BCAR3: variants seen among roughly 807,000 people sequenced by gnomAD.
BCAR3 encodes the protein breast cancer anti-estrogen resistance protein 3.
Under a neutral mutation model 80.1 loss-of-function variants are expected in BCAR3, and 37 were observed. That is an observed-to-expected ratio of 0.46 (90% CI 0.36 to 0.61). BCAR3 has a LOEUF of 0.61. BCAR3 is among the 20% of genes least tolerant of loss of function. BCAR3 has a pLI of 0.00. For synonymous variants in BCAR3, 389 were observed against 418.9 expected (o/e 0.93, Z 0.87); for missense variants, 978 against 1,068.2 (o/e 0.92, Z 1.18).
chr1:93,565,499 CTA>C (rs938721014), intron 11 of BCAR3, among the ~76,000 whole-genome samples: 2 of 152,136 alleles, frequency 1.3e-5, no homozygotes, highest in Non-Finnish European at 2.9e-5. Flanking sequence ...GCTGTGAAAT[CTA>C]TATTAGGATC....
chr1:93,631,506 G>C (rs1675619122), intron 3 of BCAR3, among the ~76,000 whole-genome samples: 1 of 152,194 alleles, frequency 6.6e-6, no homozygotes, highest in African/African-American at 2.4e-5. Flanking sequence ...GGGAAAGCCA[G>C]GGTGGCAGAG....
At chr1:93,562,469 G>C in intron 11 of BCAR3, 50 bp from the exon 12 acceptor site, 1 of 1,568,846 alleles carries the variant, frequency 6.4e-7, no homozygotes, top group Non-Finnish European at 8.7e-7. Flanking sequence ...CCTAAGATGT[G>C]TTAAAAATAG....
chr1:93,845,295 C>T (rs1655108966), intron 2 of BCAR3, among the ~76,000 whole-genome samples: 1 of 151,798 alleles, frequency 6.6e-6, no homozygotes. Flanking sequence ...CCAGTGGAGA[C>T]CCTGAGATGC....
In BCAR3 at chr1:93,616,053, G is replaced by A. The variant is rs372796418; in HGVS notation, c.358-23660C>T. Among the ~76,000 whole-genome samples, 7 of 152,290 alleles carry A rather than the reference G, an allele frequency of 4.6e-5. No individual in the cohort carries two copies. In the East Asian group the frequency reaches 9.6e-4, roughly 21 times the overall value. On this transcript the variant is annotated intron_variant, in intron 3 of 11. Transcript: ENST00000260502. ...AGTAATATGCAAATAACTCAGACAT[G>A]TAAATCACATAGAATTACGAATAAA...
intron 3 of BCAR3, among the ~76,000 whole-genome samples, chr1:93,629,864 C>G (rs934998976): frequency 6.6e-6 from 1 of 152,180 alleles, no homozygotes. Flanking sequence ...AACAGCAACC[C>G]CACAGTTTTT....
At chr1:93,685,353 ATGTG>A (rs10606446), upstream of BCAR3, among the ~76,000 whole-genome samples, 11 of 150,324 alleles carry the variant, frequency 7.3e-5, 1 homozygote, top group African/African-American at 1.5e-4. Flanking sequence ...CAGAGTTTCT[ATGTG>A]TGTGTGTGTG....
chr1:93,698,540 A>C (rs35691338), intron 3 of BCAR3, among the ~76,000 whole-genome samples: 27,020 of 151,780 alleles, frequency 0.18, 3,168 homozygotes, highest in African/African-American at 0.33. Context: ...CATCCCACTC[A>C]CTCCAAGCCT....
At chr1:93,746,195 G>A (rs996836026) in intron 2 of BCAR3, among the ~76,000 whole-genome samples, 1 of 152,334 alleles carries the variant, frequency 6.6e-6, no homozygotes, top group East Asian at 1.9e-4. Flanking sequence ...AGTCTTCTGG[G>A]ACAGGCACAG....
chr1:93,796,513 CTCGCGCACGGT>C (rs1653272339), intron 2 of BCAR3, among the ~76,000 whole-genome samples: 1 of 150,372 alleles, frequency 6.7e-6, no homozygotes, highest in Non-Finnish European at 1.5e-5. Context: ...CCTGCTTCGG[CTCGCGCACGGT>C]GCGCGCACAC....
chr1:93,836,417 A>C (rs1229413869), intron 2 of BCAR3, among the ~76,000 whole-genome samples: 1 of 152,034 alleles, frequency 6.6e-6, no homozygotes. Context: ...TCTTCCATTT[A>C]ATTTTTCAGT....
upstream of BCAR3, among the ~76,000 whole-genome samples, chr1:93,685,954 T>C (rs1648959982): frequency 6.6e-6 from 1 of 152,200 alleles, no homozygotes; most frequent in Admixed American, 6.5e-5. Context: ...TTTCTACCCA[T>C]TTGTAGGTCT....
intron 3 of BCAR3, among the ~76,000 whole-genome samples, chr1:93,619,001 C>T (rs575550374): frequency 8.7e-5 from 13 of 149,674 alleles, no homozygotes; most frequent in Non-Finnish European, 1.6e-4. Flanking sequence ...TGCAGTGGCG[C>T]GATCTTGGCT....
intron 2 of BCAR3, among the ~76,000 whole-genome samples, chr1:93,750,050 T>C (rs1557675433): frequency 6.6e-6 from 1 of 152,226 alleles, no homozygotes; most frequent in Non-Finnish European, 1.5e-5. Context: ...TCAACTCCTT[T>C]GATATTTGGC....
rs1439001610 is a variant in BCAR3 at position 93,586,885 on chromosome 1, C to T, written c.929+2092G>A. 1.3e-5 allele frequency among the ~76,000 whole-genome samples: 2 copies of T among 152,228 alleles called. No homozygotes were observed. Among genetic ancestry groups the T allele is most frequent in the Non-Finnish European group, 2.9e-5 (2 of 68,034 alleles). On this transcript the variant is annotated intron_variant, in intron 5 of 11. Coordinates refer to ENST00000260502, the MANE Select transcript of BCAR3 (RefSeq NM_003567.4). This position sits in a 1 kb window ranked among gnomAD's most constrained non-coding sequence, Gnocchi z 4.2. ...TGCCTCCTGGGTTCAAGCAATTCTC[C>T]TGCCTTAGCCTCCCTAGTAGCTGGG...
At chr1:93,580,281 G>C (rs1421274102) in intron 7 of BCAR3, among the ~76,000 whole-genome samples, 1 of 152,128 alleles carries the variant, frequency 6.6e-6, no homozygotes, top group African/African-American at 2.4e-5. Context: ...CAACACATAG[G>C]AAGGAAAACC....
At position 93,655,211 on chromosome 1, in the gene BCAR3, T is replaced by TC. The variant is rs574734594; in HGVS notation, c.318-12869_318-12868insG. 2.0e-5 allele frequency among the ~76,000 whole-genome samples: 3 copies of TC among 152,250 alleles called. No homozygotes were observed. The South Asian group carries it at 6.2e-4, about 32-fold the overall frequency. On this transcript the variant is annotated intron_variant, in intron 2 of 11. Coordinates refer to ENST00000260502, the MANE Select transcript of BCAR3 (RefSeq NM_003567.4). ...AGACTTTATCATGATAGCAATGGGA[T>TC]TTATTGAAGGATCTTAAGCTGGAAA...
intron 2 of BCAR3, among the ~76,000 whole-genome samples, chr1:93,707,111 T>C (rs1240686998): frequency 6.7e-6 from 1 of 150,108 alleles, no homozygotes; most frequent in Non-Finnish European, 1.5e-5. Flanking sequence ...GGAGGCAGAG[T>C]TTGCAGTGAG....
intron 2 of BCAR3, among the ~76,000 whole-genome samples, chr1:93,774,111 TA>T (rs1368597001): frequency 6.6e-6 from 1 of 151,994 alleles, no homozygotes; most frequent in Non-Finnish European, 1.5e-5. Flanking sequence ...CAATCAGGAG[TA>T]ACTCCAAAAT....
intron 2 of BCAR3, among the ~76,000 whole-genome samples, chr1:93,659,111 T>C (rs182262333): frequency 6.6e-6 from 1 of 152,314 alleles, no homozygotes; most frequent in East Asian, 1.9e-4. Context: ...AGCATGAAGC[T>C]TCAGCAACAT....
Sources: allele counts gnomAD v4.1 joint callset (sites outside exome capture counted in the v4.1 genomes callset), GRCh38; gene constraint gnomAD v4.1.1; non-coding constraint Gnocchi (gnomAD v3.1); transcripts MANE v1.5; gene names NCBI Gene and HGNC (gene_info 2026-07-23, HGNC 2026-07-21).